The following NSL1 variants were observed in gnomAD, a reference collection of about 807,000 sequenced individuals.
NSL1 encodes NSL1 component of MIS12 kinetochore complex.
A neutral mutation model predicts 25.4 loss-of-function variants in NSL1; 11 were observed. That is an observed-to-expected ratio of 0.43 (90% CI 0.27 to 0.72). NSL1 has a LOEUF of 0.72. NSL1 is among the 30% of genes least tolerant of loss of function. NSL1 has a pLI of 0.19. For missense variants in NSL1, 330 were observed against 342.7 expected (o/e 0.96, Z 0.29); for synonymous variants, 118 against 120.6 (o/e 0.98, Z 0.14).
In NSL1 at chr1:212,731,677, A is replaced by T. The variant is rs1571855012; in HGVS notation, c.*6731T>A. 1 of 985,442 alleles carries T rather than the reference A, an allele frequency of 1.0e-6. No homozygotes were observed. Among genetic ancestry groups the T allele is most frequent in the Non-Finnish European group, 1.2e-6 (1 of 829,946 alleles). 61.0% of individuals were successfully genotyped at this position (985,442 alleles called of 1,614,324 possible). A position where few individuals can be genotyped will look rare whatever the true frequency, so the allele number is the denominator to read the frequency against. The stretch of plus-strand genomic sequence containing the variant: ...GCTCTTTATTCTGCTGCACTAAATT[A>T]TATCCATATTGTATGATCTTGAATC... On this transcript the variant is annotated 3_prime_UTR_variant, in exon 6 of 6. Transcript: ENST00000366977.
intron 4 of NSL1, among the ~76,000 whole-genome samples, chr1:212,777,713 G>A (rs940581153): frequency 1.2e-4 from 18 of 152,218 alleles, no homozygotes; most frequent in Middle Eastern, 3.4e-3. Context: ...TGGAATAGTG[G>A]AAGACACAAA....
intron 4 of NSL1, among the ~76,000 whole-genome samples, chr1:212,755,568 C>T (rs575619253): frequency 2.1e-4 from 32 of 151,168 alleles, no homozygotes; most frequent in African/African-American, 7.8e-4. Flanking sequence ...GAATAAAATG[C>T]ATTATGTAAT....
intron 4 of NSL1, among the ~76,000 whole-genome samples, chr1:212,770,177 A>G (rs1660037038): frequency 6.6e-6 from 1 of 152,160 alleles, no homozygotes; most frequent in Admixed American, 6.6e-5. Context: ...CCAACACTAG[A>G]GCATCCAGAT....
intron 4 of NSL1, chr1:212,766,084 C>T (rs1468983894): frequency 1.6e-5 from 6 of 381,710 alleles, no homozygotes; most frequent in East Asian, 4.0e-5. Flanking sequence ...TGCAGTGAGC[C>T]GAGATCACAC....
At chr1:212,768,336 A>C (rs1319939827) in intron 4 of NSL1, among the ~76,000 whole-genome samples, 3 of 151,430 alleles carry the variant, frequency 2.0e-5, no homozygotes, top group Admixed American at 6.6e-5. Context: ...AAAAAAAAAA[A>C]AAAAAAAACT....
At chr1:212,749,842 G>A (rs1051731323) in intron 4 of NSL1, among the ~76,000 whole-genome samples, 1 of 151,236 alleles carries the variant, frequency 6.6e-6, no homozygotes, top group East Asian at 1.9e-4. Flanking sequence ...ATGGAATTAG[G>A]TCCTAGGCTG....
rs534056303 is a variant in NSL1 at position 212,731,898 on chromosome 1, A to G, written c.*6510T>C. ...GTCCTGGGACACCCTACCCTGCCCC[A>G]GGACCCAGCAGCTATAAGGGCCTCC... is the stretch of plus-strand genomic sequence containing the variant. On this transcript the variant is annotated 3_prime_UTR_variant, in exon 6 of 6. Coordinates refer to ENST00000366977, the MANE Select transcript of NSL1 (RefSeq NM_015471.4). 3.0e-6 allele frequency: 3 copies of G among 985,382 alleles called. No individual in the cohort carries two copies. In the African/African-American group the frequency reaches 5.2e-5, roughly 17 times the overall value. 61.0% of individuals were successfully genotyped at this position (985,382 alleles called of 1,614,324 possible). A position where few individuals can be genotyped will look rare whatever the true frequency, so the allele number is the denominator to read the frequency against.
At chr1:212,758,565 A>G (rs1368632707) in intron 4 of NSL1, among the ~76,000 whole-genome samples, 1 of 152,244 alleles carries the variant, frequency 6.6e-6, no homozygotes, top group Non-Finnish European at 1.5e-5. Flanking sequence ...AAGGGCATCA[A>G]AAGAATAAAG....
At position 212,727,906 on chromosome 1, in the gene NSL1, T is replaced by A. The variant is rs1657851957; in HGVS notation, c.*10502A>T. 2 of 985,150 alleles carry A rather than the reference T, an allele frequency of 2.0e-6. No homozygotes were observed. The highest frequency in any genetic ancestry group is 1.2e-4 in the Admixed American group (2 of 16,258). The allele number at this position is 985,150 out of a possible 1,614,324, so 61.0% of individuals were successfully genotyped here. A position where few individuals can be genotyped will look rare whatever the true frequency, so the allele number is the denominator to read the frequency against. ...GTTGCTATGTGTCATTGAAAAAAAA[T>A]GAGAAGAACCAACGAGGTCGCTGTG... On this transcript the variant is annotated 3_prime_UTR_variant, in exon 6 of 6. Coordinates refer to ENST00000366977, the MANE Select transcript of NSL1 (RefSeq NM_015471.4).
Position 212,731,772 on chromosome 1 carries a change from G to A in NSL1, c.*6636C>T, listed in dbSNP as rs750007332. On this transcript the variant is annotated 3_prime_UTR_variant, in exon 6 of 6. Transcript: ENST00000366977. ...TTTCACTCCCCACTGCCATGTCAAA[G>A]CTGGTGTTCAGACAGTCACACTGTT... is the stretch of plus-strand genomic sequence containing the variant. The A allele has an allele frequency of 6.1e-6, 6 of 985,406 alleles. No homozygotes were observed. The highest frequency in any genetic ancestry group is 7.2e-6 in the Non-Finnish European group (6 of 829,924). 61.0% of individuals were successfully genotyped at this position (985,406 alleles called of 1,614,324 possible).
At chr1:212,746,361 A>G (rs1164324853) in intron 4 of NSL1, among the ~76,000 whole-genome samples, 1 of 152,204 alleles carries the variant, frequency 6.6e-6, no homozygotes, top group East Asian at 1.9e-4. Context: ...TATAAATTTC[A>G]GATGCAAATT....
Position 212,760,342 on chromosome 1 carries a change from G to A in NSL1, c.500-20741C>T, listed in dbSNP as rs1375630391. ...ACCAGTGTCTGAGAGCGCCATCTAG[G>A]GGCCCAGGAATAGCCTCATTCTGTC... On this transcript the variant is annotated intron_variant, in intron 4 of 5. Coordinates refer to ENST00000366977, the MANE Select transcript of NSL1 (RefSeq NM_015471.4). This position sits in a 1 kb window ranked among gnomAD's most constrained non-coding sequence, Gnocchi z 4.3. Among the ~76,000 whole-genome samples the A allele has an allele frequency of 1.3e-5, 2 of 152,066 alleles. No homozygotes were observed. Among genetic ancestry groups the A allele is most frequent in the African/African-American group, 2.4e-5 (1 of 41,402 alleles).
rs1160220999 is a variant in NSL1 at position 212,791,718 on chromosome 1, T to G, written c.46A>C (p.Lys16Gln). Reference sequence around the variant, plus strand: ...CTCTCTGTGCCAGCCGCGAGCTCCTTGTCCCATGGAGGGTCAAGGACCACC... The same window carrying G: ...CTCTCTGTGCCAGCCGCGAGCTCCTGGTCCCATGGAGGGTCAAGGACCACC... ...ELVVLDPPWD[K>Q]ELAAGTESQA... The change falls in exon 1 of 6, where the codon AAG becomes CAG. Residue 16 changes from lysine to glutamine, a missense_variant. By Grantham distance (53) the Lys-to-Gln change is moderately conservative. Transcript: ENST00000366977. The G allele has an allele frequency of 6.2e-7, 1 of 1,613,848 alleles. No individual in the cohort carries two copies. The highest frequency in any genetic ancestry group is 8.5e-7 in the Non-Finnish European group (1 of 1,179,894).
rs1658270280 is a variant in NSL1, at chr1:212,737,343, G to A, written c.*1065C>T. ...ATTTATGATTATTAATACATAATAAGCAAGAGAAATACAGATTTTCCAACC... is the reference window on the plus strand; with the variant it reads ...ATTTATGATTATTAATACATAATAAACAAGAGAAATACAGATTTTCCAACC... On this transcript the variant is annotated 3_prime_UTR_variant, in exon 6 of 6. Coordinates refer to ENST00000366977, the MANE Select transcript of NSL1 (RefSeq NM_015471.4). 4 of 984,262 alleles carry A rather than the reference G, an allele frequency of 4.1e-6. No homozygotes were observed. In the South Asian group the frequency reaches 1.9e-4, roughly 46 times the overall value. 61.0% of individuals were successfully genotyped at this position (984,262 alleles called of 1,614,324 possible).
At chr1:212,746,362 G>A (rs1658795712) in intron 4 of NSL1, among the ~76,000 whole-genome samples, 1 of 151,982 alleles carries the variant, frequency 6.6e-6, no homozygotes, top group South Asian at 2.1e-4. Flanking sequence ...ATAAATTTCA[G>A]ATGCAAATTG....
At chr1:212,761,594 A>G (rs976726601) in intron 4 of NSL1, among the ~76,000 whole-genome samples, 1 of 152,126 alleles carries the variant, frequency 6.6e-6, no homozygotes, top group Admixed American at 6.5e-5. Context: ...TGACTGTGCC[A>G]CTGCACTCCA....
intron 1 of NSL1, among the ~76,000 whole-genome samples, chr1:212,789,868 A>T (rs900372186): frequency 1.3e-5 from 2 of 152,230 alleles, no homozygotes; most frequent in African/African-American, 2.4e-5. Flanking sequence ...ATTATACAAC[A>T]AAAGTCTTCT....
chr1:212,739,469 T>C (rs971442910), intron 5 of NSL1, 65 bp downstream of exon 5: 23 of 1,461,300 alleles, frequency 1.6e-5, no homozygotes, highest in Admixed American at 8.8e-5. Flanking sequence ...CATATGAATG[T>C]TGAATGCAAA....
rs1231588682 is a variant in NSL1 at position 212,733,165 on chromosome 1, G to A, written c.*5243C>T. ...CCTCAAAAGACATCCCAGGCCAGGC[G>A]CAGTGGCTCACGCCTGTAATCCAGC... is the stretch of plus-strand genomic sequence containing the variant. On this transcript the variant is annotated 3_prime_UTR_variant, in exon 6 of 6. Transcript: ENST00000366977. 1.3e-5 allele frequency among the ~76,000 whole-genome samples: 2 copies of A among 152,132 alleles called. No individual in the cohort carries two copies. The highest frequency in any genetic ancestry group is 1.9e-4 in the East Asian group (1 of 5,190).
Sources: allele counts gnomAD v4.1 joint callset (sites outside exome capture counted in the v4.1 genomes callset), GRCh38; gene constraint gnomAD v4.1.1; non-coding constraint Gnocchi (gnomAD v3.1); transcripts MANE v1.5; gene names NCBI Gene and HGNC (gene_info 2026-07-23, HGNC 2026-07-21).